Variants in FBLN2 observed in about 807,000 individuals in gnomAD.
The protein encoded by FBLN2 is fibulin-2.
A neutral mutation model predicts 123.7 loss-of-function variants in FBLN2; 81 were observed. The observed-to-expected ratio is 0.65, with a 90% CI of 0.55 to 0.79. FBLN2 has a LOEUF of 0.79. FBLN2 is among the 30% of genes least tolerant of loss of function. The probability of loss-of-function intolerance (pLI) is 0.00; values close to 1 mark genes in which losing one functional copy is unlikely to be tolerated. For missense variants in FBLN2, 1,603 were observed against 1,681.3 expected (o/e 0.95, Z 0.81); for synonymous variants, 699 against 701.4 (o/e 1.00, Z 0.05).
chr3:13,617,666 TCCACCCACCCATCCATCTAA>T, intron 5 of FBLN2, among the ~76,000 whole-genome samples: 1 of 81,190 alleles, frequency 1.2e-5, no homozygotes, highest in East Asian at 4.1e-4. Flanking sequence ...TACCCACCCA[TCCACCCACCCATCCATCTAA>T]CCATCCATCC....
chr3:13,617,032 A>C (rs1705631483), intron 5 of FBLN2, among the ~76,000 whole-genome samples: 2 of 152,160 alleles, frequency 1.3e-5, no homozygotes, highest in African/African-American at 4.8e-5. Context: ...TTCTTTGTGG[A>C]TCTGACCCTG....
At position 13,631,356 on chromosome 3, in the gene FBLN2, G is replaced by A; in HGVS notation, c.3113G>A (p.Gly1038Asp). 1 of 1,602,324 alleles carries A rather than the reference G, an allele frequency of 6.2e-7. No homozygotes were observed. Among genetic ancestry groups the A allele is most frequent in the Non-Finnish European group, 8.5e-7 (1 of 1,174,956 alleles). The change falls in exon 16 of 18, where the codon GGC (glycine) becomes GAC (aspartate). Residue 1038 changes from glycine to aspartate, a missense_variant. Gly to Asp is a moderately conservative substitution (Grantham distance 94, BLOSUM62 -1). Coordinates refer to ENST00000404922, the MANE Select transcript of FBLN2 (RefSeq NM_001004019.2). ...ATCGACGAGTGTGCTCAAGGCGCCG[G>A]CATCCTCTGCACCTTCCGCTGTCTC... The part of the protein sequence containing the change: ...TDIDECAQGA[G>D]ILCTFRCLNV...
chr3:13,561,522 G>T (rs1322935657), intron 1 of FBLN2, among the ~76,000 whole-genome samples: 2 of 152,118 alleles, frequency 1.3e-5, no homozygotes, highest in Non-Finnish European at 2.9e-5. Context: ...TGTCAGGCTG[G>T]TTTCTGCCTC....
intron 2 of FBLN2, among the ~76,000 whole-genome samples, chr3:13,578,817 G>A (rs965335743): frequency 6.6e-6 from 1 of 152,204 alleles, no homozygotes; most frequent in African/African-American, 2.4e-5. Flanking sequence ...CACTTTGGGA[G>A]GCTGAGGCAG....
At chr3:13,609,688 G>GGGGGGGGGGGGGGGGGGGCC in intron 4 of FBLN2, 46 bp downstream of exon 4, 1 of 512,598 alleles carries the variant, frequency 2.0e-6, no homozygotes. Flanking sequence ...GTGGGGCGGG[G>GGGGGGGGGGGGGGGGGGGCC]CGGGAGGCTG....
intron 2 of FBLN2, among the ~76,000 whole-genome samples, chr3:13,577,059 C>T (rs1391616679): frequency 6.6e-6 from 1 of 152,020 alleles, no homozygotes; most frequent in Non-Finnish European, 1.5e-5. Flanking sequence ...CCTGTCTCTA[C>T]TAAAAATACA....
At chr3:13,559,594 G>A (rs764162130) in intron 1 of FBLN2, among the ~76,000 whole-genome samples, 4 of 152,204 alleles carry the variant, frequency 2.6e-5, no homozygotes, top group Non-Finnish European at 4.4e-5. Flanking sequence ...GCTCCAGCAG[G>A]GTGATAGGGC....
chr3:13,587,455 C>A (rs966439475), intron 2 of FBLN2, among the ~76,000 whole-genome samples: 8 of 152,196 alleles, frequency 5.3e-5, no homozygotes, highest in Non-Finnish European at 1.0e-4. Flanking sequence ...ACCACTCACT[C>A]ATTGAGTCAC....
chr3:13,568,971 G>A (rs895871954), intron 1 of FBLN2: 31 of 985,520 alleles, frequency 3.1e-5, no homozygotes, highest in African/African-American at 3.5e-5. Flanking sequence ...CTGTGGTAAC[G>A]AGTCCTGCTG....
intron 1 of FBLN2, among the ~76,000 whole-genome samples, chr3:13,557,737 G>A (rs538460037): frequency 2.0e-5 from 3 of 152,370 alleles, no homozygotes; most frequent in African/African-American, 4.8e-5. Context: ...AGCAGTCCAC[G>A]TAGCCTGAAG....
rs1005487459 is a variant in FBLN2, at chr3:13,588,615, C to A, written c.1306+16954C>A. Among the ~76,000 whole-genome samples, 3 of 152,336 alleles carry A rather than the reference C, an allele frequency of 2.0e-5. No individual in the cohort carries two copies. In the East Asian group the frequency reaches 5.8e-4, roughly 29 times the overall value. ...AGGCAGGACTTCTGAGTCAACGCCT[C>A]CCCGGCCAGCACGGATCACCCGAGG... is the stretch of plus-strand genomic sequence containing the variant. On this transcript the variant is annotated intron_variant, in intron 2 of 17. Transcript: ENST00000404922.
rs144106458 is a variant in FBLN2, at chr3:13,600,359, G to A, written c.1307-7703G>A. Among the ~76,000 whole-genome samples the A allele has an allele frequency of 3.9e-5, 6 of 152,162 alleles. No individual in the cohort carries two copies. In the East Asian group the frequency reaches 9.7e-4, roughly 25 times the overall value. On this transcript the variant is annotated intron_variant, in intron 2 of 17. Transcript: ENST00000404922. ...ATAAGGGTCACAGCTCCTGAGCTTT[G>A]TTTGAGAAGGAAGGTGGCCAGGAGA...
chr3:13,608,624 G>T (rs1401750209), intron 3 of FBLN2, among the ~76,000 whole-genome samples: 2 of 152,162 alleles, frequency 1.3e-5, no homozygotes, highest in African/African-American at 4.8e-5. Context: ...TGCTGTGCTG[G>T]TTGTTTCTTC....
At position 13,626,463 on chromosome 3, in the gene FBLN2, C is replaced by T. The variant is rs567000814; in HGVS notation, c.2315C>T (p.Thr772Met). ...RKCVDINECV[T>M]DLHTCSRGEH... ...CCTGCAGACATCAACGAGTGTGTGA[C>T]GGACCTGCACACGTGCAGCCGGGGC... The change falls in exon 10 of 18, where the codon ACG becomes ATG. Residue 772 changes from threonine to methionine, a missense_variant. Physicochemically the swap from Thr to Met is moderately conservative, Grantham distance 81 (BLOSUM62 -1). Coordinates refer to ENST00000404922, the MANE Select transcript of FBLN2 (RefSeq NM_001004019.2). 6.9e-5 allele frequency: 110 copies of T among 1,583,396 alleles called. No individual in the cohort carries two copies. The highest frequency in any genetic ancestry group is 1.6e-4 in the East Asian group (7 of 43,268).
At position 13,563,305 on chromosome 3, in the gene FBLN2, G is replaced by A. The variant is rs531554830; in HGVS notation, c.-41-7010G>A. On this transcript the variant is annotated intron_variant, in intron 1 of 17. Coordinates refer to ENST00000404922, the MANE Select transcript of FBLN2 (RefSeq NM_001004019.2). Reference sequence around the variant, plus strand: ...CACCTGGAGGTGCACATGTCTCCCAGCGGCCACAGGTGCTGGCTGCTGATG... The same window carrying A: ...CACCTGGAGGTGCACATGTCTCCCAACGGCCACAGGTGCTGGCTGCTGATG... Among the ~76,000 whole-genome samples the A allele has an allele frequency of 3.7e-4, 56 of 152,198 alleles. 1 individual carries two copies. The highest frequency in any genetic ancestry group is 7.3e-4 in the Non-Finnish European group (50 of 68,030).
At chr3:13,625,313 G>A (rs903202440) in intron 9 of FBLN2, among the ~76,000 whole-genome samples, 3 of 152,168 alleles carry the variant, frequency 2.0e-5, no homozygotes, top group African/African-American at 4.8e-5. Flanking sequence ...TCCCTTATGC[G>A]TCCTCTCTCT....
At chr3:13,586,806 G>A (rs1239723174) in intron 2 of FBLN2, among the ~76,000 whole-genome samples, 1 of 150,740 alleles carries the variant, frequency 6.6e-6, no homozygotes, top group African/African-American at 2.4e-5. Flanking sequence ...ACCTCACCCG[G>A]CCTATGTCTT....
intron 1 of FBLN2, among the ~76,000 whole-genome samples, chr3:13,550,003 A>T (rs1703279321): frequency 6.6e-6 from 1 of 152,150 alleles, no homozygotes; most frequent in African/African-American, 2.4e-5. Context: ...TAGCTATCAC[A>T]TGCATATCTC....
rs2124903705 is a variant in FBLN2 at position 13,626,391 on chromosome 3, T to G, written c.2297-54T>G. 2.7e-6 allele frequency: 4 copies of G among 1,464,430 alleles called. No individual in the cohort carries two copies. The East Asian group carries it at 1.0e-4, about 36-fold the overall frequency. The allele number at this position is 1,464,430 out of a possible 1,614,324, so 90.7% of individuals were successfully genotyped here. The stretch of plus-strand genomic sequence containing the variant: ...GTGGCCCAAGGTCTGCTGGCTGCAC[T>G]CAGCCACTGTCCTGGGGACTCTGCA... On this transcript the variant is annotated intron_variant, in intron 9 of 17. Transcript: ENST00000404922.
Sources: gnomAD v4.1 joint callset for allele counts (sites outside exome capture counted in the v4.1 genomes callset) on GRCh38, gnomAD v4.1.1 for gene constraint, MANE v1.5 for transcripts, NCBI Gene and HGNC (gene_info 2026-07-23, HGNC 2026-07-21) for gene names.